Variants in TLN1 observed in about 807,000 individuals in gnomAD.
TLN1 encodes talin-1.
Under a neutral mutation model 292.3 loss-of-function variants are expected in TLN1, and 56 were observed. That is an observed-to-expected ratio of 0.19 (90% CI 0.15 to 0.24). TLN1 has a LOEUF of 0.24. Ranked by LOEUF, TLN1 falls within the 10% of genes least tolerant of loss-of-function variation. TLN1 has a pLI of 1.00. For missense variants in TLN1, 2,433 were observed against 3,248.2 expected (o/e 0.75, Z 6.10); for synonymous variants, 1,119 against 1,253.7 (o/e 0.89, Z 2.27).
chr9:35,705,478 G>GT, intron 43 of TLN1, 73 bp downstream of exon 43: 1 of 1,458,610 alleles, frequency 6.9e-7, no homozygotes. Flanking sequence ...GAGGGTGGGG[G>GT]TGGGACAGCC....
Position 35,724,665 on chromosome 9 carries a change from C to G in TLN1, c.418G>C (p.Glu140Gln). The G allele has an allele frequency of 1.2e-6, 2 of 1,614,164 alleles. No homozygotes were observed. ...VRELMEEKKE[E>Q]ITGTLRKDKT... is the part of the protein sequence containing the mutation. ...TCCTTTCTTAAGGTCCCTGTTATTT[C>G]CTCCTTTTTCTCTTCCATCAGCTCT... The change falls in exon 5 of 57, where the codon GAA (glutamate) becomes CAA (glutamine). Residue 140 changes from glutamate (E) to glutamine (Q), a missense_variant. Glu to Gln is a conservative substitution (Grantham distance 29, BLOSUM62 2). This residue lies in a region of TLN1 where 155 missense variants were observed against 287.9 expected (regional missense o/e 0.54). Coordinates refer to ENST00000314888, the MANE Select transcript of TLN1 (RefSeq NM_006289.4). The surrounding 1 kb of genome is among the most constrained non-coding windows in gnomAD (Gnocchi z 4.7).
intron 1 of TLN1, among the ~76,000 whole-genome samples, chr9:35,729,383 T>C (rs1463232795): frequency 6.6e-6 from 1 of 152,108 alleles, no homozygotes; most frequent in Admixed American, 6.6e-5. Context: ...AGGCAGGCTG[T>C]TGAAGCACAG....
At position 35,700,309 on chromosome 9, in the gene TLN1, C is replaced by T. The variant is rs1220555825; in HGVS notation, c.6542G>A (p.Gly2181Asp). 2 of 1,612,524 alleles carry T rather than the reference C, an allele frequency of 1.2e-6. No individual in the cohort carries two copies. The highest frequency in any genetic ancestry group is 1.7e-6 in the Non-Finnish European group (2 of 1,178,758). The change falls in exon 49 of 57, where the codon GGT becomes GAT. Residue 2181 changes from glycine to aspartate, a missense_variant. Around this residue, in one of 7 missense-constraint regions of TLN1, gnomAD observed 1,384 missense variants for 1,699.6 expected, o/e 0.81. Transcript: ENST00000314888. ...GGCCTTGGCGGTTGCCATGGTGATA[C>T]CCTTGGTCATTCGGATGAAGTCTTC... is the stretch of plus-strand genomic sequence containing the variant. ...TPEDFIRMTK[G>D]ITMATAKAVA...
chr9:35,699,429 C>T lies in TLN1; in HGVS notation c.6801G>A (p.Gln2267=). 1 of 1,613,950 alleles carries T rather than the reference C, an allele frequency of 6.2e-7. No individual in the cohort carries two copies. ...TLQKPSPELK[Q]QLTGHSKRVA... is the part of the protein sequence containing the mutation. ...CACGCTTTGAATGTCCTGTCAACTG[C>T]TGCTTCAGTTCTGGGCTTGGCTTCT... Residue 2267 remains glutamine (Q), a synonymous_variant, in exon 51 of 57, where the codon CAG becomes CAA. Transcript: ENST00000314888. This position sits in a 1 kb window ranked among gnomAD's most constrained non-coding sequence, Gnocchi z 4.0.
At chr9:35,720,276 C>A in intron 12 of TLN1, 57 bp from the exon 13 acceptor site, 1 of 1,545,510 alleles carries the variant, frequency 6.5e-7, no homozygotes, top group South Asian at 1.2e-5. Flanking sequence ...ACCCGTCCCA[C>A]CCGGTTACAC....
Position 35,712,130 on chromosome 9 carries a change from G to A in TLN1, c.3562-6C>T. 6.2e-7 allele frequency: 1 copy of A among 1,611,832 alleles called. No individual in the cohort carries two copies. On this transcript the variant is annotated splice_region_variant and splice_polypyrimidine_tract_variant and intron_variant, in intron 27 of 56. Transcript: ENST00000314888. ...TGGGTCACTGCTTTAGCCACCTGGG[G>A]TGAGAAAGGAGACAGGGTTGCCCAA...
At position 35,704,086 on chromosome 9, in the gene TLN1, G is replaced by C; in HGVS notation, c.6136C>G (p.Gln2046Glu). 1 of 1,613,754 alleles carries C rather than the reference G, an allele frequency of 6.2e-7. No homozygotes were observed. Among genetic ancestry groups the C allele is most frequent in the Admixed American group, 1.7e-5 (1 of 60,010 alleles). ...NAAGSQEKLAQAAQSSVATIT... is the reference protein window; with the variant it reads ...NAAGSQEKLAEAAQSSVATIT... ...GTCGCCACGGAGGACTGGGCAGCCT[G>C]CGCCAACTTCTCCTGGCTCCCAGCT... The change falls in exon 46 of 57, where the codon CAG becomes GAG. Residue 2046 changes from glutamine to glutamate, a missense_variant. Around this residue, in one of 7 missense-constraint regions of TLN1, gnomAD observed 1,384 missense variants for 1,699.6 expected, o/e 0.81. Coordinates refer to ENST00000314888, the MANE Select transcript of TLN1 (RefSeq NM_006289.4). The surrounding 1 kb of genome is among the most constrained non-coding windows in gnomAD (Gnocchi z 6.9).
intron 1 of TLN1, among the ~76,000 whole-genome samples, chr9:35,729,936 A>T (rs1826041892): frequency 9.4e-6 from 1 of 106,634 alleles, no homozygotes; most frequent in Non-Finnish European, 2.2e-5. Context: ...TGACTGCATC[A>T]GGCTGGGAAT....
intron 1 of TLN1, among the ~76,000 whole-genome samples, chr9:35,728,656 C>G (rs1156462388): frequency 1.3e-5 from 2 of 152,210 alleles, no homozygotes; most frequent in Non-Finnish European, 2.9e-5. Context: ...ATTATCTTCT[C>G]CTAGGGAGCC....
chr9:35,717,305 C>A lies in TLN1; in HGVS notation c.2299G>T (p.Val767Leu), dbSNP rs773420949. ...ATEDGQLLRG[V>L]GAAATAVTQA... is the part of the protein sequence containing the mutation. ...GTGACAGCTGTGGCTGCTGCTCCTA[C>A]CCCTCGCAACAGTTGCCCATCCTCT... The change falls in exon 19 of 57, where the codon GTA (valine) becomes TTA (leucine). Residue 767 changes from valine (V) to leucine (L), a missense_variant. This residue lies in a region of TLN1 where 617 missense variants were observed against 770.6 expected (regional missense o/e 0.80). Transcript: ENST00000314888. The surrounding 1 kb of genome is among the most constrained non-coding windows in gnomAD (Gnocchi z 4.7). 6.2e-7 allele frequency: 1 copy of A among 1,614,166 alleles called. No individual in the cohort carries two copies. Among genetic ancestry groups the A allele is most frequent in the South Asian group, 1.1e-5 (1 of 91,084 alleles).
intron 27 of TLN1, 116 bp from the exon 28 acceptor site, chr9:35,712,240 G>A: frequency 7.2e-7 from 1 of 1,382,438 alleles, no homozygotes; most frequent in South Asian, 1.5e-5. Context: ...AAAAAGAAAG[G>A]GGGCGTTGTA....
Position 35,720,084 on chromosome 9 carries a change from C to T in TLN1, c.1419G>A (p.Gln473=). The change falls in exon 13 of 57, where the codon CAG becomes CAA. Residue 473 remains glutamine, a synonymous_variant. Coordinates refer to ENST00000314888, the MANE Select transcript of TLN1 (RefSeq NM_006289.4). ...GGTGCATCTGGCCGCTGGTAATCTG[C>T]TGCTGGGCAGGGGGCATGCTGCCCA... ...FQVGSMPPAQ[Q]QITSGQMHRG... 3 of 1,605,426 alleles carry T rather than the reference C, an allele frequency of 1.9e-6. No individual in the cohort carries two copies. The highest frequency in any genetic ancestry group is 2.6e-6 in the Non-Finnish European group (3 of 1,176,322).
chr9:35,724,969 C>G lies in TLN1; in HGVS notation c.229-10G>C. On this transcript the variant is annotated splice_polypyrimidine_tract_variant and intron_variant, in intron 3 of 56. Transcript: ENST00000314888. The surrounding 1 kb of genome is among the most constrained non-coding windows in gnomAD (Gnocchi z 4.7). ...TGTACTCCATAGTGTCCTGTTAGGGCAGGAAGAAGAGACAGGGGCCTACTC... is the reference window on the plus strand; with the variant it reads ...TGTACTCCATAGTGTCCTGTTAGGGGAGGAAGAAGAGACAGGGGCCTACTC... 1 of 1,613,992 alleles carries G rather than the reference C, an allele frequency of 6.2e-7. No individual in the cohort carries two copies. The highest frequency in any genetic ancestry group is 8.5e-7 in the Non-Finnish European group (1 of 1,180,028).
chr9:35,718,059 G>A (rs1323375757), intron 17 of TLN1, among the ~76,000 whole-genome samples: 1 of 152,186 alleles, frequency 6.6e-6, no homozygotes, highest in African/African-American at 2.4e-5. Flanking sequence ...GAGACAATGT[G>A]GTGGCGCTGT....
In TLN1 at chr9:35,706,005, A is replaced by G. The variant is rs1825559078; in HGVS notation, c.5468T>C (p.Val1823Ala). ...GATGGAGTCCACCATGCCACCCACG[A>G]CCCCAGCAGCACTGGCTGCCTCGTT... ...TLNEAASAAG[V>A]VGGMVDSITQ... Residue 1823 changes from valine (V) to alanine (A), a missense_variant, in exon 41 of 57, where the codon GTC (valine) becomes GCC (alanine). This residue lies in a region of TLN1 where 1,384 missense variants were observed against 1,699.6 expected (regional missense o/e 0.81). Coordinates refer to ENST00000314888, the MANE Select transcript of TLN1 (RefSeq NM_006289.4). The surrounding 1 kb of genome is among the most constrained non-coding windows in gnomAD (Gnocchi z 4.2). 6.2e-7 allele frequency: 1 copy of G among 1,614,074 alleles called. No individual in the cohort carries two copies. Among genetic ancestry groups the G allele is most frequent in the East Asian group, 2.2e-5 (1 of 44,878 alleles).
chr9:35,724,398 T>C lies in TLN1; in HGVS notation c.512-64A>G. The C allele has an allele frequency of 2.5e-6, 4 of 1,602,926 alleles. No homozygotes were observed. The Admixed American group carries it at 5.1e-5, about 20-fold the overall frequency. On this transcript the variant is annotated intron_variant, in intron 5 of 56. Coordinates refer to ENST00000314888, the MANE Select transcript of TLN1 (RefSeq NM_006289.4). This position sits in a 1 kb window ranked among gnomAD's most constrained non-coding sequence, Gnocchi z 4.7. ...GGCCCCTGTGCTGTCTGGTCTCTGTTTATTTCTGCATTTCCTACCTCCCCT... is the reference window on the plus strand; with the variant it reads ...GGCCCCTGTGCTGTCTGGTCTCTGTCTATTTCTGCATTTCCTACCTCCCCT...
chr9:35,697,940 A>G (rs1178539301), intron 56 of TLN1, 24 bp from the exon 57 acceptor site: 1 of 1,613,734 alleles, frequency 6.2e-7, no homozygotes, highest in Admixed American at 1.7e-5. Flanking sequence ...TCGGGGACTT[A>G]GTTCAGTGAG....
Position 35,706,500 on chromosome 9 carries a change from C to T in TLN1, c.5140G>A (p.Glu1714Lys). 1 of 1,614,068 alleles carries T rather than the reference C, an allele frequency of 6.2e-7. No individual in the cohort carries two copies. The highest frequency in any genetic ancestry group is 8.5e-7 in the Non-Finnish European group (1 of 1,180,006). The change falls in exon 39 of 57, where the codon GAG (glutamate) becomes AAG (lysine). Residue 1714 changes from glutamate to lysine, a missense_variant. By Grantham distance (56) the Glu-to-Lys change is moderately conservative. Around this residue, in one of 7 missense-constraint regions of TLN1, gnomAD observed 1,384 missense variants for 1,699.6 expected, o/e 0.81. Transcript: ENST00000314888. The surrounding 1 kb of genome is among the most constrained non-coding windows in gnomAD (Gnocchi z 4.2). ...TAVQEISHLI[E>K]PLANAARAEA... ...GCCCGGGCAGCATTGGCCAGCGGCTCAATGAGATGGGAGATCTCTTGGACT... is the reference window on the plus strand; with the variant it reads ...GCCCGGGCAGCATTGGCCAGCGGCTTAATGAGATGGGAGATCTCTTGGACT...
At chr9:35,726,016 C>G (rs1490630878) in intron 1 of TLN1, among the ~76,000 whole-genome samples, 1 of 152,112 alleles carries the variant, frequency 6.6e-6, no homozygotes, top group Non-Finnish European at 1.5e-5. Flanking sequence ...GGATTCACGC[C>G]ATTCTCCTGT....
Sources: allele counts gnomAD v4.1 joint callset (sites outside exome capture counted in the v4.1 genomes callset), GRCh38; gene constraint gnomAD v4.1.1; regional missense constraint gnomAD v4.1.1; non-coding constraint Gnocchi (gnomAD v3.1); transcripts MANE v1.5; gene names NCBI Gene and HGNC (gene_info 2026-07-23, HGNC 2026-07-21).